TCERG1: variants seen among roughly 807,000 people sequenced by gnomAD.
TCERG1 encodes TATA box binding protein (TBP)-associated factor, RNA polymerase II, S, 150kD.
Under a neutral mutation model 144.7 loss-of-function variants are expected in TCERG1, and 37 were observed. The ratio of observed to expected loss-of-function variants is 0.26; its 90% CI spans 0.20 to 0.34. The LOEUF is 0.34. TCERG1 is among the 10% of genes least tolerant of loss of function. TCERG1 has a pLI of 1.00. For missense variants in TCERG1, 1,027 were observed against 1,380.7 expected, an observed-to-expected ratio of 0.74 and a Z score of 4.06; for synonymous variants, 492 against 458.2, an observed-to-expected ratio of 1.07 and a Z score of -0.94.
At chr5:146,462,439 T>C (rs1021881108) in intron 4 of TCERG1, among the ~76,000 whole-genome samples, 1 of 152,216 alleles carries the variant, frequency 6.6e-6, no homozygotes, top group African/African-American at 2.4e-5. Flanking sequence ...CAAAATTGTT[T>C]TGTAACATGT....
At position 146,471,484 on chromosome 5, in the gene TCERG1, G is replaced by A. The variant is rs375628505; in HGVS notation, c.1513-4G>A. ...ACTAATTAGAGTAATATCATTTCTT[G>A]TAGGAGCCCAAAGAAGAGGAGATGA... is the stretch of plus-strand genomic sequence containing the variant. On this transcript the variant is annotated splice_region_variant and splice_polypyrimidine_tract_variant and intron_variant, in intron 8 of 22. Transcript: ENST00000679501. The A allele has an allele frequency of 1.1e-5, 18 of 1,610,260 alleles. No individual in the cohort carries two copies. The African/African-American group carries it at 2.3e-4, about 20-fold the overall frequency.
At chr5:146,508,663 T>C (rs1768206199) in intron 21 of TCERG1, among the ~76,000 whole-genome samples, 2 of 152,210 alleles carry the variant, frequency 1.3e-5, no homozygotes, top group South Asian at 2.1e-4. Context: ...CTTATTACTT[T>C]TGGCTTGCCA....
At chr5:146,472,701 T>TTGTGTGTGTGTGTGTGTGTA in intron 9 of TCERG1, among the ~76,000 whole-genome samples, 1 of 146,044 alleles carries the variant, frequency 6.8e-6, no homozygotes, top group East Asian at 2.2e-4. Flanking sequence ...ACCTCTCACT[T>TTGTGTGTGTGTGTGTGTGTA]TGTGTGTGTG....
chr5:146,475,640 A>T (rs1764772322), intron 9 of TCERG1, among the ~76,000 whole-genome samples: 1 of 152,150 alleles, frequency 6.6e-6, no homozygotes, highest in Non-Finnish European at 1.5e-5. Context: ...TTTTGTGAAA[A>T]ATCAGACCTT....
At chr5:146,489,142 T>G (rs1201945842) in intron 15 of TCERG1, among the ~76,000 whole-genome samples, 1 of 152,162 alleles carries the variant, frequency 6.6e-6, no homozygotes, top group African/African-American at 2.4e-5. Flanking sequence ...TGTAGCCCTG[T>G]AGGATGACTG....
intron 3 of TCERG1, among the ~76,000 whole-genome samples, chr5:146,458,479 T>C (rs988389792): frequency 4.0e-5 from 6 of 151,712 alleles, no homozygotes; most frequent in African/African-American, 1.5e-4. Context: ...CGCCCAGCTA[T>C]TTTTTATTTT....
Position 146,511,756 on chromosome 5 carries a change from T to G in TCERG1, c.*1114T>G, listed in dbSNP as rs1372158048. On this transcript the variant is annotated 3_prime_UTR_variant, in exon 23 of 23. Coordinates refer to ENST00000679501, the MANE Select transcript of TCERG1 (RefSeq NM_001382548.1). ...GCCTCATAGCAAGAAGATGCTGGGG[T>G]TTTTTTTGTTTTTGTCCTTTGTATT... 1.3e-5 allele frequency: 2 copies of G among 151,914 alleles called. No homozygotes were observed. Among genetic ancestry groups the G allele is most frequent in the East Asian group, 1.9e-4 (1 of 5,194 alleles). 9.4% of individuals were successfully genotyped at this position (151,914 alleles called of 1,614,324 possible). A position where few individuals can be genotyped will look rare whatever the true frequency, so the allele number is the denominator to read the frequency against.
chr5:146,507,688 T>C lies in TCERG1; in HGVS notation c.2962-185T>C, dbSNP rs1768125673. ...GAAAGTATGGCCATGAAAATAACTCTTGTGGCAAGCCAACAAAAAGAAATT... is the reference window on the plus strand; with the variant it reads ...GAAAGTATGGCCATGAAAATAACTCCTGTGGCAAGCCAACAAAAAGAAATT... On this transcript the variant is annotated intron_variant, in intron 20 of 22. Transcript: ENST00000679501. The surrounding 1 kb of genome is among the most constrained non-coding windows in gnomAD (Gnocchi z 4.6). 2.2e-6 allele frequency: 1 copy of C among 462,718 alleles called. No individual in the cohort carries two copies. The highest frequency in any genetic ancestry group is 3.8e-6 in the Non-Finnish European group (1 of 264,688). The allele number at this position is 462,718 out of a possible 1,614,324, so 28.7% of individuals were successfully genotyped here. A position where few individuals can be genotyped will look rare whatever the true frequency, so the allele number is the denominator to read the frequency against.
intron 5 of TCERG1, among the ~76,000 whole-genome samples, chr5:146,466,966 A>T (rs1165142335): frequency 6.6e-6 from 1 of 152,224 alleles, no homozygotes; most frequent in East Asian, 1.9e-4. Flanking sequence ...CAGTATTTAT[A>T]CTGATTAAAC....
intron 5 of TCERG1, 98 bp downstream of exon 5, chr5:146,463,891 C>T: frequency 6.6e-7 from 1 of 1,525,912 alleles, no homozygotes; most frequent in Admixed American, 1.8e-5. Flanking sequence ...TGCCTTGAAT[C>T]TCACCTGTTT....
At chr5:146,474,954 C>T (rs995600220) in intron 9 of TCERG1, among the ~76,000 whole-genome samples, 1 of 152,080 alleles carries the variant, frequency 6.6e-6, no homozygotes, top group African/African-American at 2.4e-5. Flanking sequence ...GGAGCTGAAC[C>T]CACAATATCC....
rs1762910846 is a variant in TCERG1, at chr5:146,457,277, C to T, written c.380C>T (p.Thr127Ile). ...ATGCCTCCTGTGACTGCTCCTGGTA[C>T]TCCAGCACTACCTCCTACGGAGGAG... ...PGMPPVTAPGTPALPPTEEIW... is the reference protein window; with the variant it reads ...PGMPPVTAPGIPALPPTEEIW... The change falls in exon 3 of 23, where the codon ACT becomes ATT. Residue 127 changes from threonine to isoleucine, a missense_variant. Physicochemically the swap from Thr to Ile is moderately conservative, Grantham distance 89. Around this residue, in one of 6 missense-constraint regions of TCERG1, gnomAD observed 175 missense variants for 197.0 expected, o/e 0.89. Transcript: ENST00000679501. 2 of 1,614,070 alleles carry T rather than the reference C, an allele frequency of 1.2e-6. No homozygotes were observed. The highest frequency in any genetic ancestry group is 2.2e-5 in the East Asian group (1 of 44,892).
intron 10 of TCERG1, among the ~76,000 whole-genome samples, chr5:146,479,069 T>G (rs1381966062): frequency 1.3e-5 from 2 of 152,170 alleles, no homozygotes; most frequent in Non-Finnish European, 2.9e-5. Flanking sequence ...AATTAGATGG[T>G]AAGCTCCTTA....
In TCERG1 at chr5:146,483,664, T is replaced by TAC. The variant is rs749679110; in HGVS notation, c.2163+35_2163+36insAC. 2,660 of 1,503,008 alleles carry TAC rather than the reference T, an allele frequency of 1.8e-3. 8 individuals are homozygous for TAC. Among genetic ancestry groups the TAC allele is most frequent in the Non-Finnish European group, 1.6e-3 (1,709 of 1,098,216 alleles). The allele number at this position is 1,503,008 out of a possible 1,614,324, so 93.1% of individuals were successfully genotyped here. A position where few individuals can be genotyped will look rare whatever the true frequency, so the allele number is the denominator to read the frequency against. On this transcript the variant is annotated intron_variant, in intron 15 of 22. Transcript: ENST00000679501. ...AAATGGCATTAACTAAGAATGTATA[T>TAC]CTCTTGCCAACATAGTTTTTAAATT... is the stretch of plus-strand genomic sequence containing the variant.
rs948677768 is a variant in TCERG1, at chr5:146,511,895, C to T, written c.*1253C>T. ...TTTACCTCCCGAGTTAAAAAAAAAT[C>T]TTTTTATTTTATGCCTTCATAGGTT... On this transcript the variant is annotated 3_prime_UTR_variant, in exon 23 of 23. Coordinates refer to ENST00000679501, the MANE Select transcript of TCERG1 (RefSeq NM_001382548.1). The T allele has an allele frequency of 6.7e-6, 1 of 148,778 alleles. No homozygotes were observed. The highest frequency in any genetic ancestry group is 1.5e-5 in the Non-Finnish European group (1 of 67,048). The allele number at this position is 148,778 out of a possible 1,614,324, so 9.2% of individuals were successfully genotyped here.
chr5:146,477,969 T>G (rs1581474946), intron 9 of TCERG1, among the ~76,000 whole-genome samples: 1 of 152,240 alleles, frequency 6.6e-6, no homozygotes, highest in Middle Eastern at 3.4e-3. Flanking sequence ...TCCCAAAGTG[T>G]TAGAATTACA....
chr5:146,510,726 C>G lies in TCERG1; in HGVS notation c.*84C>G. 7.7e-7 allele frequency: 1 copy of G among 1,306,916 alleles called. No homozygotes were observed. The highest frequency in any genetic ancestry group is 1.0e-6 in the Non-Finnish European group (1 of 957,796). The allele number at this position is 1,306,916 out of a possible 1,614,324, so 81.0% of individuals were successfully genotyped here. On this transcript the variant is annotated 3_prime_UTR_variant, in exon 23 of 23. Coordinates refer to ENST00000679501, the MANE Select transcript of TCERG1 (RefSeq NM_001382548.1). ...GGTTTTTACATATATGTGCATTAGT[C>G]AACCTATTGCGAAACCATCTGACAA...
chr5:146,452,626 A>G (rs776210332), intron 1 of TCERG1, among the ~76,000 whole-genome samples: 6 of 152,134 alleles, frequency 3.9e-5, no homozygotes, highest in East Asian at 1.9e-4. Context: ...GTTTTGCTCT[A>G]TTGCCCAGGC....
At position 146,510,503 on chromosome 5, in the gene TCERG1, A is replaced by T; in HGVS notation, c.3209A>T (p.Asn1070Ile). ...AAAGATGTAGAAAAAATTTTACAGA[A>T]TGACAAACGGTATCTAGTACTGGAC... The part of the protein sequence containing the change: ...HLKDVEKILQ[N>I]DKRYLVLDCV... Residue 1070 changes from asparagine (N) to isoleucine (I), a missense_variant, in exon 23 of 23, where the codon AAT (asparagine) becomes ATT (isoleucine). By Grantham distance (149) the Asn-to-Ile change is moderately radical. Transcript: ENST00000679501. The T allele has an allele frequency of 6.2e-7, 1 of 1,614,136 alleles. No homozygotes were observed. Among genetic ancestry groups the T allele is most frequent in the Non-Finnish European group, 8.5e-7 (1 of 1,180,022 alleles).
Sources: allele counts gnomAD v4.1 joint callset (sites outside exome capture counted in the v4.1 genomes callset), GRCh38; gene constraint gnomAD v4.1.1; regional missense constraint gnomAD v4.1.1; non-coding constraint Gnocchi (gnomAD v3.1); transcripts MANE v1.5; gene names NCBI Gene and HGNC (gene_info 2026-07-23, HGNC 2026-07-21).